The following CDH13 variants were observed in gnomAD, a reference collection of about 807,000 sequenced individuals.
CDH13 encodes the protein cadherin-13.
Under a neutral mutation model 63.8 loss-of-function variants are expected in CDH13, and 24 were observed. The ratio of observed to expected loss-of-function variants is 0.38; its 90% CI spans 0.27 to 0.53. The LOEUF (loss-of-function observed/expected upper bound fraction) is 0.53, where lower values mean the gene tolerates loss of function less well. Among genes scored for constraint, CDH13 ranks in the 20% least tolerant of loss-of-function variants. The pLI, the probability that CDH13 is intolerant of heterozygous loss-of-function variation, is 0.85. For missense variants in CDH13, 1,049 were observed against 903.1 expected (o/e 1.16, Z -2.07); for synonymous variants, 503 against 355.3 (o/e 1.42, Z -4.67).
intron 8 of CDH13, among the ~76,000 whole-genome samples, chr16:83,657,461 C>T (rs558643870): frequency 6.6e-6 from 1 of 152,274 alleles, no homozygotes; most frequent in East Asian, 1.9e-4. Context: ...CCTCTTTGAC[C>T]CCCAGAGCAG....
intron 6 of CDH13, among the ~76,000 whole-genome samples, chr16:83,460,083 ATAAC>A (rs975604055): frequency 1.3e-5 from 2 of 152,258 alleles, no homozygotes; most frequent in Non-Finnish European, 2.9e-5. Context: ...AAAGTAAAAA[ATAAC>A]TAAGAGATAA....
intron 10 of CDH13, among the ~76,000 whole-genome samples, chr16:83,731,395 T>G (rs1911030432): frequency 6.6e-6 from 1 of 152,230 alleles, no homozygotes; most frequent in African/African-American, 2.4e-5. Context: ...TGGTTTTGAT[T>G]TGCATTTCTC....
chr16:83,053,041 C>G (rs979921117), intron 3 of CDH13, among the ~76,000 whole-genome samples: 10 of 152,018 alleles, frequency 6.6e-5, no homozygotes. Flanking sequence ...CTAACTTTTT[C>G]TGTTGGTGAA....
intron 3 of CDH13, among the ~76,000 whole-genome samples, chr16:83,101,391 A>G (rs191567879): frequency 4.6e-5 from 7 of 150,646 alleles, no homozygotes; most frequent in South Asian, 2.1e-4. Flanking sequence ...TATGTCTATT[A>G]TATATAGTAA....
intron 7 of CDH13, among the ~76,000 whole-genome samples, chr16:83,578,367 C>T (rs114031318): frequency 0.011 from 1,702 of 152,268 alleles, 25 homozygotes; most frequent in African/African-American, 0.039. Flanking sequence ...CCTGGCAGAT[C>T]TGTAGCTCTG....
rs148615757 is a variant in CDH13, at chr16:82,909,214, C to G, written c.157+50741C>G. On this transcript the variant is annotated intron_variant, in intron 2 of 13. Transcript: ENST00000567109. ...TTCAATCCATGATTGGTCAAATTCACAGATGTGGAACCCACAGAAACTGAG... is the reference window on the plus strand; with the variant it reads ...TTCAATCCATGATTGGTCAAATTCAGAGATGTGGAACCCACAGAAACTGAG... Among the ~76,000 whole-genome samples, 760 of 151,508 alleles carry G rather than the reference C, an allele frequency of 5.0e-3. 1 individual carries two copies. The highest frequency in any genetic ancestry group is 0.01 in the Middle Eastern group (3 of 292).
rs142293205 is a variant in CDH13, at chr16:83,516,069, G to A, written c.960+29414G>A. ...TTTATTCAAAAATTCGCTTTTCCAA[G>A]TTTCCGTCTAAGAGCATGTGGTGGG... is the stretch of plus-strand genomic sequence containing the variant. On this transcript the variant is annotated intron_variant, in intron 7 of 13. Coordinates refer to ENST00000567109, the MANE Select transcript of CDH13 (RefSeq NM_001257.5). 1.5e-4 allele frequency among the ~76,000 whole-genome samples: 23 copies of A among 152,218 alleles called. No individual in the cohort carries two copies. The East Asian group carries it at 4.4e-3, about 29-fold the overall frequency.
At chr16:83,429,676 C>T (rs1216808966) in intron 6 of CDH13, among the ~76,000 whole-genome samples, 1 of 152,234 alleles carries the variant, frequency 6.6e-6, no homozygotes. Flanking sequence ...TTCCTTAGAA[C>T]TTGTGCTCTG....
chr16:83,475,240 T>A (rs2073571449), intron 6 of CDH13, among the ~76,000 whole-genome samples: 2 of 152,248 alleles, frequency 1.3e-5, no homozygotes, highest in South Asian at 4.1e-4. Context: ...CACCTGCTCT[T>A]GAGCTTGCCT....
At chr16:82,850,657 C>T (rs980913545) in intron 1 of CDH13, among the ~76,000 whole-genome samples, 19 of 152,158 alleles carry the variant, frequency 1.2e-4, no homozygotes, top group Admixed American at 9.8e-4. Flanking sequence ...ATAGAGAAAT[C>T]ATTCGTGAAA....
intron 7 of CDH13, among the ~76,000 whole-genome samples, chr16:83,540,764 G>T (rs2075283601): frequency 6.6e-6 from 1 of 152,136 alleles, no homozygotes; most frequent in Admixed American, 6.5e-5. Context: ...GCCACAGCTG[G>T]AATTACAGGC....
At chr16:83,368,326 C>A (rs576356732) in intron 6 of CDH13, among the ~76,000 whole-genome samples, 3 of 152,104 alleles carry the variant, frequency 2.0e-5, no homozygotes, top group Non-Finnish European at 4.4e-5. Flanking sequence ...TGTTCCAAAT[C>A]CTCATCTATT....
At chr16:83,215,602 C>T (rs1042061085) in intron 4 of CDH13, among the ~76,000 whole-genome samples, 10 of 147,734 alleles carry the variant, frequency 6.8e-5, no homozygotes, top group African/African-American at 2.6e-4. Context: ...TGTCAGACAT[C>T]GGAATTGCAG....
At chr16:83,169,590 A>T (rs1262360590) in intron 4 of CDH13, among the ~76,000 whole-genome samples, 1 of 151,802 alleles carries the variant, frequency 6.6e-6, no homozygotes, top group Non-Finnish European at 1.5e-5. Context: ...TGTCTTGGGA[A>T]GCAGCTGCCT....
chr16:83,467,206 G>T (rs2073337663), intron 6 of CDH13, among the ~76,000 whole-genome samples: 1 of 152,170 alleles, frequency 6.6e-6, no homozygotes, highest in Non-Finnish European at 1.5e-5. Context: ...ACGTTTTGTG[G>T]TTCCAAGAGA....
At chr16:83,247,296 A>C (rs539191706) in intron 5 of CDH13, among the ~76,000 whole-genome samples, 1 of 152,150 alleles carries the variant, frequency 6.6e-6, no homozygotes, top group African/African-American at 2.4e-5. Flanking sequence ...GACATAATTT[A>C]CATGGAGGCT....
chr16:83,619,727 G>C (rs1368556474), intron 8 of CDH13, among the ~76,000 whole-genome samples: 1 of 152,258 alleles, frequency 6.6e-6, no homozygotes, highest in Non-Finnish European at 1.5e-5. Flanking sequence ...AGTCATATTT[G>C]ACTAGGGCCT....
At chr16:83,423,849 T>C (rs992407390) in intron 6 of CDH13, among the ~76,000 whole-genome samples, 3 of 152,218 alleles carry the variant, frequency 2.0e-5, no homozygotes, top group African/African-American at 7.2e-5. Context: ...AATGCCAGAG[T>C]TGTGGGGAAA....
chr16:83,660,738 T>A (rs1913362056), intron 8 of CDH13, among the ~76,000 whole-genome samples: 1 of 152,236 alleles, frequency 6.6e-6, no homozygotes, highest in African/African-American at 2.4e-5. Context: ...TTCCTCCAGA[T>A]TCAGATGTTG....
Sources: allele counts gnomAD v4.1 joint callset (sites outside exome capture counted in the v4.1 genomes callset), GRCh38; gene constraint gnomAD v4.1.1; transcripts MANE v1.5; gene names NCBI Gene and HGNC (gene_info 2026-07-23, HGNC 2026-07-21).